Variants in FAM81A observed in about 807,000 individuals in gnomAD.
FAM81A encodes protein FAM81A.
A neutral mutation model predicts 46.7 loss-of-function variants in FAM81A; 19 were observed. The ratio of observed to expected loss-of-function variants is 0.41; its 90% CI spans 0.28 to 0.60. The LOEUF (loss-of-function observed/expected upper bound fraction) is 0.60. Among genes scored for constraint, FAM81A ranks in the 20% least tolerant of loss-of-function variants. FAM81A has a pLI of 0.34. For synonymous variants in FAM81A, 183 were observed against 152.9 expected, an observed-to-expected ratio of 1.20 and a Z score of -1.45; for missense variants, 377 against 453.5, an observed-to-expected ratio of 0.83 and a Z score of 1.53.
intron 1 of FAM81A, chr15:59,401,804 C>T (rs58617007): frequency 0.19 from 141,696 of 731,012 alleles, 15,520 homozygotes; most frequent in East Asian, 0.39. Flanking sequence ...TCTTTTCATG[C>T]ATCTTGATAG....
At position 59,442,028 on chromosome 15, in the gene FAM81A, T is replaced by C. The variant is rs182097204; in HGVS notation, c.-78+3746T>C. Among the ~76,000 whole-genome samples, 8 of 152,298 alleles carry C rather than the reference T, an allele frequency of 5.3e-5. No homozygotes were observed. The East Asian group carries it at 9.6e-4, about 18-fold the overall frequency. On this transcript the variant is annotated intron_variant, in intron 1 of 8. Transcript: ENST00000288228. The stretch of plus-strand genomic sequence containing the variant: ...TACTCCCGTTATGTAGGTGCAGAAA[T>C]TGAAATGGAGGGAGATTTGAATAAC...
At chr15:59,521,123 T>C (rs1271278659) in intron 8 of FAM81A, 131 bp from the exon 9 acceptor site, 1 of 1,015,420 alleles carries the variant, frequency 9.8e-7, no homozygotes, top group Non-Finnish European at 1.4e-6. Flanking sequence ...TTCCCCATCA[T>C]ACTTTCATCC....
intron 1 of FAM81A, among the ~76,000 whole-genome samples, chr15:59,455,953 A>G (rs772256874): frequency 6.6e-6 from 1 of 152,200 alleles, no homozygotes; most frequent in Non-Finnish European, 1.5e-5. Context: ...TCACTCATTC[A>G]TTAACAAACA....
chr15:59,411,008 C>T (rs773378014), intron 2 of FAM81A, among the ~76,000 whole-genome samples: 1 of 152,174 alleles, frequency 6.6e-6, no homozygotes, highest in Admixed American at 6.5e-5. Context: ...CCTCGGCCTC[C>T]CAAAGTGCTG....
intron 3 of FAM81A, among the ~76,000 whole-genome samples, chr15:59,473,490 A>G (rs540694047): frequency 1.2e-4 from 19 of 152,334 alleles, no homozygotes; most frequent in African/African-American, 4.6e-4. Flanking sequence ...TCCCCTGCAG[A>G]TAAGAGGGTG....
At chr15:59,503,596 A>G (rs922724879) in intron 4 of FAM81A, among the ~76,000 whole-genome samples, 12 of 151,302 alleles carry the variant, frequency 7.9e-5, no homozygotes, top group African/African-American at 1.5e-4. Context: ...TTTTTTTGAC[A>G]GAGTCTCACT....
At chr15:59,505,659 CAG>C (rs2082141548) in intron 4 of FAM81A, among the ~76,000 whole-genome samples, 1 of 152,174 alleles carries the variant, frequency 6.6e-6, no homozygotes, top group African/African-American at 2.4e-5. Context: ...CCACCACTGA[CAG>C]GGGAGAATAA....
chr15:59,521,479 C>T lies in FAM81A; in HGVS notation c.*101C>T, dbSNP rs2141858218. 2 of 1,347,728 alleles carry T rather than the reference C, an allele frequency of 1.5e-6. No individual in the cohort carries two copies. The highest frequency in any genetic ancestry group is 2.0e-6 in the Non-Finnish European group (2 of 1,018,510). The allele number at this position is 1,347,728 out of a possible 1,614,324, so 83.5% of individuals were successfully genotyped here. ...TCGCTGCATTCAGGATTGTTCCATCCATGGCGTGCATGTGCCAAGAAATGT... is the reference window on the plus strand; with the variant it reads ...TCGCTGCATTCAGGATTGTTCCATCTATGGCGTGCATGTGCCAAGAAATGT... On this transcript the variant is annotated 3_prime_UTR_variant, in exon 9 of 9. Transcript: ENST00000288228.
intron 2 of FAM81A, among the ~76,000 whole-genome samples, chr15:59,427,254 G>A (rs1490321761): frequency 6.6e-6 from 1 of 152,052 alleles, no homozygotes; most frequent in East Asian, 1.9e-4. Context: ...GGGATCACAG[G>A]TGCATGCCAC....
At chr15:59,426,691 C>T (rs2081196444) in intron 2 of FAM81A, among the ~76,000 whole-genome samples, 1 of 152,178 alleles carries the variant, frequency 6.6e-6, no homozygotes, top group Non-Finnish European at 1.5e-5. Context: ...GATGTTTCTT[C>T]ATCTTTTACT....
chr15:59,404,725 G>A lies in FAM81A; in HGVS notation c.-78+2367G>A, dbSNP rs116076246. On this transcript the variant is annotated intron_variant, in intron 2 of 4. Coordinates refer to the FAM81A transcript ENST00000558348. The stretch of plus-strand genomic sequence containing the variant: ...TCCCACCTTGGCCTCCCAAAGTGCT[G>A]GAATTGTAGGCATTAGCCACCATGC... 4.8e-3 allele frequency among the ~76,000 whole-genome samples: 736 copies of A among 152,298 alleles called. 6 individuals carry two copies. Among genetic ancestry groups the A allele is most frequent in the African/African-American group, 0.017 (700 of 41,568 alleles).
chr15:59,513,794 G>C lies in FAM81A; in HGVS notation c.651-495G>C, dbSNP rs142896292. Among the ~76,000 whole-genome samples the C allele has an allele frequency of 4.4e-3, 676 of 152,228 alleles. 2 individuals are homozygous for C. The highest frequency in any genetic ancestry group is 0.015 in the African/African-American group (629 of 41,546). On this transcript the variant is annotated intron_variant, in intron 6 of 8. Transcript: ENST00000288228. ...ATGCATACGTATGTTCACTGCAGCA[G>C]TGTTCACAATAGCAAAGATATGGAA...
intron 3 of FAM81A, among the ~76,000 whole-genome samples, chr15:59,465,420 A>T (rs1279407147): frequency 1.3e-5 from 2 of 152,132 alleles, no homozygotes; most frequent in Non-Finnish European, 2.9e-5. Flanking sequence ...TTACAGGCAC[A>T]TGTCATCATG....
rs144687726 is a variant in FAM81A, at chr15:59,498,703, C to T, written c.413+6314C>T. Among the ~76,000 whole-genome samples, 416 of 152,220 alleles carry T rather than the reference C, an allele frequency of 2.7e-3. 3 individuals carry two copies. The highest frequency in any genetic ancestry group is 4.6e-3 in the Non-Finnish European group (313 of 68,008). On this transcript the variant is annotated intron_variant, in intron 4 of 8. Transcript: ENST00000288228. ...GAGTCTTGCTCTGTCGCCCAAGCTACAGTGAAGAGGTGCGATCTTGGCTCA... is the reference window on the plus strand; with the variant it reads ...GAGTCTTGCTCTGTCGCCCAAGCTATAGTGAAGAGGTGCGATCTTGGCTCA...
chr15:59,445,102 ACT>A (rs2081340091), intron 1 of FAM81A: 1 of 152,034 alleles, frequency 6.6e-6, no homozygotes, highest in Non-Finnish European at 1.5e-5. Context: ...TGTGGTGAAA[ACT>A]CAGATTTCCG....
chr15:59,436,998 C>G (rs1279417150), upstream of FAM81A, among the ~76,000 whole-genome samples: 1 of 152,162 alleles, frequency 6.6e-6, no homozygotes, highest in African/African-American at 2.4e-5. Flanking sequence ...CACTTGGCAG[C>G]CATCCAATAG....
chr15:59,519,342 C>T (rs1326292084), intron 8 of FAM81A, among the ~76,000 whole-genome samples: 2 of 151,944 alleles, frequency 1.3e-5, no homozygotes, highest in Non-Finnish European at 2.9e-5. Flanking sequence ...ATGTGCACCA[C>T]CAGGCCCAGC....
chr15:59,415,441 A>C (rs2081142450), intron 2 of FAM81A, among the ~76,000 whole-genome samples: 1 of 152,182 alleles, frequency 6.6e-6, no homozygotes, highest in South Asian at 2.1e-4. Flanking sequence ...ATTGCTAATC[A>C]GCTGATCTTG....
chr15:59,489,396 G>A (rs2081959078), intron 3 of FAM81A, among the ~76,000 whole-genome samples: 2 of 152,050 alleles, frequency 1.3e-5, no homozygotes, highest in Non-Finnish European at 1.5e-5. Flanking sequence ...ATTGATGTGA[G>A]AAATTGGAGA....
Sources: gnomAD v4.1 joint callset for allele counts (sites outside exome capture counted in the v4.1 genomes callset) on GRCh38, gnomAD v4.1.1 for gene constraint, MANE v1.5 for transcripts, NCBI Gene and HGNC (gene_info 2026-07-23, HGNC 2026-07-21) for gene names.